NOL4: variants seen among roughly 807,000 people sequenced by gnomAD.
NOL4 encodes the protein cancer/testis antigen 125.
Under a neutral mutation model 75.9 loss-of-function variants are expected in NOL4, and 17 were observed. That is an observed-to-expected ratio of 0.22 (90% confidence interval 0.15 to 0.34). NOL4 has a LOEUF of 0.34. Among genes scored for constraint, NOL4 ranks in the 10% least tolerant of loss-of-function variants. The pLI is 1.00. For missense variants in NOL4, 614 were observed against 793.5 expected (o/e 0.77, Z 2.72); for synonymous variants, 292 against 289.9 (o/e 1.01, Z -0.07).
chr18:34,065,208 C>T (rs1405122963), intron 5 of NOL4, among the ~76,000 whole-genome samples: 1 of 151,854 alleles, frequency 6.6e-6, no homozygotes, highest in South Asian at 2.1e-4. Flanking sequence ...AGAATACACA[C>T]ATATAATTTA....
chr18:34,071,059 A>G (rs1026500138), intron 5 of NOL4, among the ~76,000 whole-genome samples: 1 of 152,158 alleles, frequency 6.6e-6, no homozygotes, highest in Non-Finnish European at 1.5e-5. Flanking sequence ...AATAGTAAAC[A>G]ACAGTGTATA....
chr18:33,865,607 C>A (rs1377336118), intron 10 of NOL4, among the ~76,000 whole-genome samples: 1 of 152,034 alleles, frequency 6.6e-6, no homozygotes, highest in South Asian at 2.1e-4. Context: ...AGAATTTGTC[C>A]TTTAACAAAT....
Position 34,223,203 on chromosome 18 carries a change from C to T in NOL4, c.51G>A (p.Arg17=). Residue 17 remains arginine, a synonymous_variant, in exon 1 of 11, where the codon AGG becomes AGA. Coordinates refer to ENST00000261592, the MANE Select transcript of NOL4 (RefSeq NM_003787.5). ...MYRQFQDWCL[R]TYGDSGKTKT... is the part of the protein sequence containing the mutation. ...TGGTCTTGCCTGAGTCCCCGTAAGT[C>T]CTGAGGCACCAGTCCTGGAACTGGC... is the stretch of plus-strand genomic sequence containing the variant. The T allele has an allele frequency of 6.2e-7, 1 of 1,614,168 alleles. No individual in the cohort carries two copies. Among genetic ancestry groups the T allele is most frequent in the Admixed American group, 1.7e-5 (1 of 60,034 alleles).
At chr18:33,970,632 T>C (rs2070974314) in intron 6 of NOL4, among the ~76,000 whole-genome samples, 3 of 151,714 alleles carry the variant, frequency 2.0e-5, no homozygotes, top group African/African-American at 7.3e-5. Flanking sequence ...TCATAACTTA[T>C]ACAGATCACA....
At chr18:33,960,773 C>T (rs1328251164) in intron 6 of NOL4, among the ~76,000 whole-genome samples, 1 of 152,130 alleles carries the variant, frequency 6.6e-6, no homozygotes, top group Non-Finnish European at 1.5e-5. Context: ...ATCATCTTAA[C>T]ACTATTCTAT....
At chr18:33,962,037 G>T (rs887615701) in intron 6 of NOL4, among the ~76,000 whole-genome samples, 1 of 152,022 alleles carries the variant, frequency 6.6e-6, no homozygotes, top group Non-Finnish European at 1.5e-5. Context: ...AATCCCTTGG[G>T]TACCAACCTT....
At chr18:34,018,027 T>C (rs2074805293) in intron 6 of NOL4, among the ~76,000 whole-genome samples, 1 of 152,044 alleles carries the variant, frequency 6.6e-6, no homozygotes, top group South Asian at 2.1e-4. Flanking sequence ...CCCAGAGTAA[T>C]ACTGAATAAG....
intron 1 of NOL4, among the ~76,000 whole-genome samples, chr18:34,177,721 C>T (rs2033675275): frequency 6.6e-6 from 1 of 151,636 alleles, no homozygotes; most frequent in African/African-American, 2.4e-5. Flanking sequence ...AGTCAAAGCA[C>T]TAAAGAAAAT....
intron 5 of NOL4, among the ~76,000 whole-genome samples, chr18:34,074,858 A>G (rs1315161636): frequency 6.6e-6 from 1 of 152,122 alleles, no homozygotes; most frequent in Non-Finnish European, 1.5e-5. Flanking sequence ...GTTTTAGCTT[A>G]TATTATGTAA....
chr18:34,005,876 G>C (rs1247226923), intron 6 of NOL4, among the ~76,000 whole-genome samples: 2 of 152,006 alleles, frequency 1.3e-5, no homozygotes, highest in African/African-American at 4.8e-5. Context: ...TAACCTTGCT[G>C]CCTGCTGCTT....
intron 5 of NOL4, among the ~76,000 whole-genome samples, chr18:34,019,979 T>C (rs2074945486): frequency 6.6e-6 from 1 of 151,782 alleles, no homozygotes; most frequent in Admixed American, 6.6e-5. Flanking sequence ...GCCTGGCACC[T>C]CTTCTCTCTC....
chr18:34,146,671 C>A (rs1257561854), intron 1 of NOL4, among the ~76,000 whole-genome samples: 1 of 151,820 alleles, frequency 6.6e-6, no homozygotes, highest in Admixed American at 6.6e-5. Flanking sequence ...ATGCCTCCAG[C>A]TTTGTTCTTT....
chr18:34,039,278 A>G (rs1012138542), intron 5 of NOL4, among the ~76,000 whole-genome samples: 1 of 152,012 alleles, frequency 6.6e-6, no homozygotes, highest in Non-Finnish European at 1.5e-5. Flanking sequence ...GCATAATAGC[A>G]TAATAGAATG....
intron 9 of NOL4, among the ~76,000 whole-genome samples, chr18:33,941,598 C>T (rs908816862): frequency 9.2e-5 from 14 of 151,890 alleles, no homozygotes; most frequent in African/African-American, 3.4e-4. Context: ...GCTTACTATG[C>T]ACCAGGCAAA....
intron 2 of NOL4, among the ~76,000 whole-genome samples, chr18:34,127,518 T>C (rs901390747): frequency 6.6e-6 from 1 of 151,910 alleles, no homozygotes; most frequent in Non-Finnish European, 1.5e-5. Flanking sequence ...ATTGCAATAG[T>C]TATCTAGCTA....
At chr18:34,207,216 T>C (rs2036186325) in intron 1 of NOL4, among the ~76,000 whole-genome samples, 1 of 152,228 alleles carries the variant, frequency 6.6e-6, no homozygotes, top group Admixed American at 6.5e-5. Context: ...TTTTTTTCTT[T>C]TTTAAGATTT....
At chr18:34,082,980 T>C (rs2078078958) in intron 5 of NOL4, among the ~76,000 whole-genome samples, 2 of 152,126 alleles carry the variant, frequency 1.3e-5, no homozygotes, top group African/African-American at 4.8e-5. Flanking sequence ...AATGCAGTGG[T>C]TGAAGGAAAT....
rs1303689856 is a variant in NOL4, at chr18:34,164,989, G to C, written c.265-34969C>G. Among the ~76,000 whole-genome samples the C allele has an allele frequency of 6.0e-5, 9 of 151,134 alleles. No homozygotes were observed. In the East Asian group the frequency reaches 1.8e-3, roughly 30 times the overall value. On this transcript the variant is annotated intron_variant, in intron 1 of 10. Coordinates refer to ENST00000261592, the MANE Select transcript of NOL4 (RefSeq NM_003787.5). ...CATCATTCTCAGTAAACTATCGCAA[G>C]GACAAAAAACCAAACACCGCATATT...
intron 1 of NOL4, among the ~76,000 whole-genome samples, chr18:34,165,063 G>A (rs1432866142): frequency 3.5e-5 from 5 of 144,270 alleles, no homozygotes; most frequent in Non-Finnish European, 7.6e-5. Flanking sequence ...GACACAGGAA[G>A]GGGAACATCA....
Sources: allele counts gnomAD v4.1 joint callset (sites outside exome capture counted in the v4.1 genomes callset), GRCh38; gene constraint gnomAD v4.1.1; transcripts MANE v1.5; gene names NCBI Gene and HGNC (gene_info 2026-07-23, HGNC 2026-07-21).